RIMBP2: variants seen among roughly 807,000 people sequenced by gnomAD.
RIMBP2 encodes the protein RIMS binding protein 2, also known as RIMS-binding protein 2.
A neutral mutation model predicts 118.6 loss-of-function variants in RIMBP2; 48 were observed. The observed-to-expected ratio is 0.40, with a 90% confidence interval of 0.32 to 0.51. RIMBP2 has a LOEUF of 0.51. Among genes scored for constraint, RIMBP2 ranks in the 20% least tolerant of loss-of-function variants. The probability of loss-of-function intolerance (pLI) is 0.41; values close to 1 mark genes in which losing one functional copy is unlikely to be tolerated. For missense variants in RIMBP2, 1,551 were observed against 1,768.3 expected, an observed-to-expected ratio of 0.88 and a Z score of 2.20; for synonymous variants, 762 against 742.9, an observed-to-expected ratio of 1.03 and a Z score of -0.42.
intron 2 of RIMBP2, among the ~76,000 whole-genome samples, chr12:130,594,074 C>T (rs1246660984): frequency 6.6e-6 from 1 of 152,186 alleles, no homozygotes; most frequent in Non-Finnish European, 1.5e-5. Context: ...CCTAACATTC[C>T]GGAGGAAAGT....
chr12:130,706,113 C>T (rs1056689256), intron 1 of RIMBP2, among the ~76,000 whole-genome samples: 2 of 152,180 alleles, frequency 1.3e-5, no homozygotes, highest in Admixed American at 6.5e-5. Flanking sequence ...TAGCAGGAAT[C>T]GTAATAGCTA....
At chr12:130,649,719 G>T (rs1448158621) in intron 1 of RIMBP2, among the ~76,000 whole-genome samples, 3 of 152,110 alleles carry the variant, frequency 2.0e-5, no homozygotes, top group Non-Finnish European at 1.5e-5. Context: ...GATCCTCTCA[G>T]CCCTGAGAAA....
At chr12:130,603,252 C>T (rs2059971525) in intron 2 of RIMBP2, among the ~76,000 whole-genome samples, 1 of 152,162 alleles carries the variant, frequency 6.6e-6, no homozygotes, top group Non-Finnish European at 1.5e-5. Context: ...GAAGCATGCC[C>T]ACCTGTACAG....
intron 17 of RIMBP2, among the ~76,000 whole-genome samples, chr12:130,418,418 C>G (rs972775139): frequency 6.6e-6 from 1 of 152,162 alleles, no homozygotes; most frequent in African/African-American, 2.4e-5. Context: ...CTGTGCAGCC[C>G]CTGCTCACAC....
At chr12:130,473,094 G>C (rs751640559) in intron 5 of RIMBP2, among the ~76,000 whole-genome samples, 3 of 152,194 alleles carry the variant, frequency 2.0e-5, no homozygotes, top group Non-Finnish European at 4.4e-5. Context: ...TATTCCAGCA[G>C]GCTGTTAAAA....
intron 4 of RIMBP2, among the ~76,000 whole-genome samples, chr12:130,493,645 G>A (rs958831335): frequency 5.3e-5 from 8 of 152,060 alleles, no homozygotes; most frequent in African/African-American, 1.7e-4. Context: ...TCCATGGAGT[G>A]CTGTTCTGTA....
At chr12:130,691,290 C>T (rs897322554) in intron 1 of RIMBP2, among the ~76,000 whole-genome samples, 1 of 152,178 alleles carries the variant, frequency 6.6e-6, no homozygotes, top group Non-Finnish European at 1.5e-5. Flanking sequence ...GCGGAACCAA[C>T]CCGAGGAATG....
intron 15 of RIMBP2, chr12:130,427,704 T>C (rs2076883903): frequency 1.3e-5 from 2 of 152,830 alleles, no homozygotes; most frequent in Admixed American, 1.3e-4. Flanking sequence ...ACCCATCTCT[T>C]CCGACCTCAC....
rs553725043 is a variant in RIMBP2, at chr12:130,700,244, G to A, written c.-352+15978C>T. On this transcript the variant is annotated intron_variant, in intron 1 of 22. Transcript: ENST00000690449. ...CAAAGACCCACACAGCCCCAGGCCC[G>A]CAACAGCCAAGGTCCTTTTCTCCCT... Among the ~76,000 whole-genome samples the A allele has an allele frequency of 1.1e-4, 17 of 152,160 alleles. No individual in the cohort carries two copies. The East Asian group carries it at 1.7e-3, about 16-fold the overall frequency.
chr12:130,624,775 A>C (rs1482877209), intron 2 of RIMBP2, among the ~76,000 whole-genome samples: 1 of 152,148 alleles, frequency 6.6e-6, no homozygotes, highest in Non-Finnish European at 1.5e-5. Flanking sequence ...CCCAGAATGG[A>C]GTGTCATGGC....
At chr12:130,473,422 C>A (rs998620185) in intron 5 of RIMBP2, among the ~76,000 whole-genome samples, 1 of 152,226 alleles carries the variant, frequency 6.6e-6, no homozygotes, top group Admixed American at 6.5e-5. Flanking sequence ...GCGGCAGGAG[C>A]AGCAGCAGCA....
intron 2 of RIMBP2, among the ~76,000 whole-genome samples, chr12:130,606,079 AAAAAG>A (rs989994731): frequency 4.6e-5 from 7 of 152,156 alleles, no homozygotes; most frequent in Admixed American, 4.6e-4. Flanking sequence ...AAACAAAAAG[AAAAAG>A]AAAAGAGAGG....
chr12:130,491,379 G>C (rs1236034527), intron 4 of RIMBP2, among the ~76,000 whole-genome samples: 4 of 152,204 alleles, frequency 2.6e-5, no homozygotes, highest in Admixed American at 2.6e-4. Flanking sequence ...TGCTGTCTAA[G>C]AGGCCTCCTC....
chr12:130,423,934 A>G (rs2076589577), intron 16 of RIMBP2, among the ~76,000 whole-genome samples: 1 of 152,156 alleles, frequency 6.6e-6, no homozygotes, highest in East Asian at 1.9e-4. Context: ...GGTGGAAATC[A>G]TTACTCTAAG....
At chr12:130,566,161 A>G (rs771201165) in intron 2 of RIMBP2, among the ~76,000 whole-genome samples, 5 of 149,842 alleles carry the variant, frequency 3.3e-5, no homozygotes, top group South Asian at 2.1e-4. Context: ...TTTGTTGCCA[A>G]TTTATACACA....
chr12:130,428,023 C>T lies in RIMBP2; in HGVS notation c.2412+156G>A, dbSNP rs530037856. 1.2e-4 allele frequency: 75 copies of T among 649,990 alleles called. No individual in the cohort carries two copies. In the Admixed American group the frequency reaches 2.2e-3, roughly 19 times the overall value. The allele number at this position is 649,990 out of a possible 1,614,324, so 40.3% of individuals were successfully genotyped here. ...CAGGAGTGTAGGTAATTCCCAAATG[C>T]AGATTCAATAGTGAGAAAGAAGCGA... On this transcript the variant is annotated intron_variant, in intron 15 of 22. Transcript: ENST00000690449.
intron 1 of RIMBP2, among the ~76,000 whole-genome samples, chr12:130,697,007 G>A (rs544661958): frequency 6.6e-6 from 1 of 152,188 alleles, no homozygotes; most frequent in Non-Finnish European, 1.5e-5. Flanking sequence ...GAAGTGCCTC[G>A]CCTGCCAGGC....
chr12:130,526,710 TCAAA>T (rs1256500851), intron 2 of RIMBP2, among the ~76,000 whole-genome samples: 3 of 152,200 alleles, frequency 2.0e-5, no homozygotes, highest in African/African-American at 7.2e-5. Flanking sequence ...CATATTATGC[TCAAA>T]CATAGACTAT....
intron 2 of RIMBP2, among the ~76,000 whole-genome samples, chr12:130,571,341 A>G (rs2057630431): frequency 6.6e-6 from 1 of 151,106 alleles, no homozygotes. Flanking sequence ...CTAGATGTTT[A>G]GTGGTTTTTG....
Sources: gnomAD v4.1 joint callset for allele counts (sites outside exome capture counted in the v4.1 genomes callset) on GRCh38, gnomAD v4.1.1 for gene constraint, MANE v1.5 for transcripts, NCBI Gene and HGNC (gene_info 2026-07-23, HGNC 2026-07-21) for gene names.